Variants in FGD6 observed in about 807,000 individuals in gnomAD.
FGD6 encodes FYVE, RhoGEF and PH domain-containing protein 6.
In FGD6, 90 loss-of-function variants were observed where a neutral mutation model predicts 149.4. The ratio of observed to expected loss-of-function variants is 0.60; its 90% CI spans 0.51 to 0.72. FGD6 has a LOEUF of 0.72. FGD6 is among the 30% of genes least tolerant of loss of function. The pLI, the probability that FGD6 is intolerant of heterozygous loss-of-function variation, is 0.00. For missense variants in FGD6, 1,437 were observed against 1,684.8 expected (o/e 0.85, Z 2.57); for synonymous variants, 527 against 584.0 (o/e 0.90, Z 1.41).
Position 95,149,723 on chromosome 12 carries a change from T to C in FGD6, c.2685+3088A>G, listed in dbSNP as rs929949323. ...GAGTGTCAAGCTTATTGTCATTTCA[T>C]ATAAATTATGTTTGATAAATAAGTG... On this transcript the variant is annotated intron_variant, in intron 5 of 20. Coordinates refer to ENST00000343958, the MANE Select transcript of FGD6 (RefSeq NM_018351.4). 4.1e-5 allele frequency among the ~76,000 whole-genome samples: 6 copies of C among 145,334 alleles called. No individual in the cohort carries two copies. The East Asian group carries it at 1.2e-3, about 28-fold the overall frequency.
intron 2 of FGD6, among the ~76,000 whole-genome samples, chr12:95,190,697 C>T (rs985130724): frequency 6.6e-6 from 1 of 151,958 alleles, no homozygotes; most frequent in African/African-American, 2.4e-5. Context: ...ATGGATTATT[C>T]ATCCTGTAAG....
intron 6 of FGD6, among the ~76,000 whole-genome samples, chr12:95,137,972 A>G (rs566970130): frequency 6.6e-6 from 1 of 152,178 alleles, no homozygotes; most frequent in South Asian, 2.1e-4. Context: ...CTGTAATCCC[A>G]GCACTTTGGG....
Position 95,085,736 on chromosome 12 carries a change from A to G in FGD6, c.4107+44T>C, listed in dbSNP as rs763986780. ...AATATTGTAATTACTTGCAGTTGGC[A>G]TTACAAAACCCCAAATTACTCATCT... is the stretch of plus-strand genomic sequence containing the variant. On this transcript the variant is annotated intron_variant, in intron 19 of 20. Coordinates refer to ENST00000343958, the MANE Select transcript of FGD6 (RefSeq NM_018351.4). 4.5e-6 allele frequency: 7 copies of G among 1,561,654 alleles called. No individual in the cohort carries two copies. The East Asian group carries it at 1.1e-4, about 25-fold the overall frequency.
chr12:95,181,248 G>A (rs1881275252), intron 2 of FGD6, among the ~76,000 whole-genome samples: 1 of 152,224 alleles, frequency 6.6e-6, no homozygotes, highest in African/African-American at 2.4e-5. Context: ...ACGTCACAGT[G>A]AACAGCAACA....
At chr12:95,152,663 T>C in intron 5 of FGD6, 148 bp downstream of exon 5, 1 of 719,430 alleles carries the variant, frequency 1.4e-6, no homozygotes, top group Non-Finnish European at 2.3e-6. Context: ...CTAAGACTCT[T>C]TCAGAAATCA....
chr12:95,098,582 C>T (rs1878317516), intron 14 of FGD6, among the ~76,000 whole-genome samples: 1 of 152,160 alleles, frequency 6.6e-6, no homozygotes, highest in East Asian at 1.9e-4. Flanking sequence ...ACCTAAGGAC[C>T]TTTGTACACA....
rs912770716 is a variant in FGD6, at chr12:95,081,398, T to C, written c.*122A>G. 7.5e-6 allele frequency: 5 copies of C among 670,678 alleles called. No homozygotes were observed. In the African/African-American group the frequency reaches 9.3e-5, roughly 13 times the overall value. The allele number at this position is 670,678 out of a possible 1,614,324, so 41.5% of individuals were successfully genotyped here. A position where few individuals can be genotyped will look rare whatever the true frequency, so the allele number is the denominator to read the frequency against. Reference sequence around the variant, plus strand: ...ATACCTAACAAAACAATTTCTTTGATGAAGGGTCTGGTTGGCTTTATCTTG... The same window carrying C: ...ATACCTAACAAAACAATTTCTTTGACGAAGGGTCTGGTTGGCTTTATCTTG... On this transcript the variant is annotated 3_prime_UTR_variant, in exon 21 of 21. Coordinates refer to ENST00000343958, the MANE Select transcript of FGD6 (RefSeq NM_018351.4).
In FGD6 at chr12:95,104,998, A is replaced by G. The variant is rs747793281; in HGVS notation, c.3497+9T>C. 4.4e-6 allele frequency: 7 copies of G among 1,576,226 alleles called. No individual in the cohort carries two copies. The highest frequency in any genetic ancestry group is 1.7e-4 in the Middle Eastern group (1 of 5,860). On this transcript the variant is annotated intron_variant, in intron 14 of 20. Transcript: ENST00000343958. ...AAAAAAAAAAAAAAAAGAAGAAGAA[A>G]AAATTTACCTGGCTGAGAGAATGAA...
At chr12:95,149,952 T>A (rs1880248319) in intron 5 of FGD6, among the ~76,000 whole-genome samples, 1 of 146,178 alleles carries the variant, frequency 6.8e-6, no homozygotes, top group Admixed American at 7.0e-5. Flanking sequence ...ATACTACATA[T>A]CATACTATAT....
intron 14 of FGD6, among the ~76,000 whole-genome samples, chr12:95,098,213 T>TC (rs901722753): frequency 2.8e-4 from 42 of 152,268 alleles, no homozygotes; most frequent in African/African-American, 9.9e-4. Flanking sequence ...CTCCCAGTGC[T>TC]CCCTGTCACA....
intron 2 of FGD6, among the ~76,000 whole-genome samples, chr12:95,183,687 A>T (rs1881346952): frequency 6.6e-6 from 1 of 152,152 alleles, no homozygotes; most frequent in South Asian, 2.1e-4. Flanking sequence ...AAACATAAAA[A>T]ATTAGCCAAG....
chr12:95,173,884 A>G (rs1425405940), intron 2 of FGD6, among the ~76,000 whole-genome samples: 2 of 152,202 alleles, frequency 1.3e-5, no homozygotes, highest in Non-Finnish European at 2.9e-5. Context: ...TGGGAATCTT[A>G]AAAGCTAAAG....
chr12:95,210,941 C>T lies in FGD6; in HGVS notation c.343G>A (p.Glu115Lys). 1 of 1,614,202 alleles carries T rather than the reference C, an allele frequency of 6.2e-7. No homozygotes were observed. Among genetic ancestry groups the T allele is most frequent in the Non-Finnish European group, 8.5e-7 (1 of 1,180,046 alleles). The change falls in exon 2 of 21, where the codon GAG becomes AAG. Residue 115 changes from glutamate to lysine, a missense_variant. By Grantham distance (56) the Glu-to-Lys change is moderately conservative. Transcript: ENST00000343958. ...YISPMCSCSS[E>K]CIHKLGHREN... ...CTATGGCCCAGCTTATGGATACACTCAGAACTGCAGGAACACATTGGTGAA... is the reference window on the plus strand; with the variant it reads ...CTATGGCCCAGCTTATGGATACACTTAGAACTGCAGGAACACATTGGTGAA...
chr12:95,155,249 G>A (rs11107915), intron 3 of FGD6, among the ~76,000 whole-genome samples: 29,995 of 152,044 alleles, frequency 0.2, 3,185 homozygotes, highest in Non-Finnish European at 0.21. Context: ...TAATCAGGCC[G>A]GGCGCACTGG....
intron 16 of FGD6, among the ~76,000 whole-genome samples, chr12:95,092,321 A>G (rs1334898710): frequency 1.3e-5 from 2 of 152,222 alleles, no homozygotes; most frequent in Non-Finnish European, 2.9e-5. Context: ...ACATCACTAG[A>G]GATAACTTCA....
rs397687285 is a variant in FGD6, at chr12:95,122,645, CAAAAA to C, written c.3083-8949_3083-8945del. 2.5e-4 allele frequency among the ~76,000 whole-genome samples: 16 copies of C among 64,426 alleles called. No homozygotes were observed. In the Admixed American group the frequency reaches 3.2e-3, roughly 13 times the overall value. 42.3% of individuals were successfully genotyped at this position (64,426 alleles called of 152,430 possible). A position where few individuals can be genotyped will look rare whatever the true frequency, so the allele number is the denominator to read the frequency against. On this transcript the variant is annotated intron_variant, in intron 8 of 20. Coordinates refer to ENST00000343958, the MANE Select transcript of FGD6 (RefSeq NM_018351.4). ...TGGGCAACAGAGCGAGACTCAGTCT[CAAAAA>C]AAAAAAAAAAAAAAAAAAAGGCTCT... is the stretch of plus-strand genomic sequence containing the variant.
At chr12:95,204,649 C>T (rs2056684330) in intron 2 of FGD6, among the ~76,000 whole-genome samples, 1 of 152,158 alleles carries the variant, frequency 6.6e-6, no homozygotes, top group Admixed American at 6.5e-5. Context: ...AGGTGCTTAA[C>T]CCCACCCTGG....
intron 2 of FGD6, among the ~76,000 whole-genome samples, chr12:95,205,968 C>T (rs888306970): frequency 1.3e-5 from 2 of 152,204 alleles, no homozygotes; most frequent in Admixed American, 6.5e-5. Context: ...GCCCTGGTTT[C>T]CTGTGGCCTC....
intron 2 of FGD6, among the ~76,000 whole-genome samples, chr12:95,175,003 A>G (rs1881095155): frequency 2.6e-5 from 4 of 151,964 alleles, no homozygotes; most frequent in Admixed American, 2.6e-4. Flanking sequence ...TTGGTCAAAC[A>G]TCATTTGGAA....
Sources: gnomAD v4.1 joint callset for allele counts (sites outside exome capture counted in the v4.1 genomes callset) on GRCh38, gnomAD v4.1.1 for gene constraint, MANE v1.5 for transcripts, NCBI Gene and HGNC (gene_info 2026-07-23, HGNC 2026-07-21) for gene names.